Variants in LIMCH1 observed in about 807,000 individuals in gnomAD.
The protein encoded by LIMCH1 is LIM and calponin homology domains-containing protein 1.
LIMCH1 carries 113 observed loss-of-function variants against 176.5 expected under a neutral mutation model. The ratio of observed to expected loss-of-function variants is 0.64; its 90% confidence interval spans 0.55 to 0.75. The LOEUF is 0.75. LIMCH1 is among the 30% of genes least tolerant of loss of function. The pLI is 0.00. For missense variants in LIMCH1, 1,674 were observed against 1,814.9 expected, an observed-to-expected ratio of 0.92 and a Z score of 1.41; for synonymous variants, 619 against 645.9, an observed-to-expected ratio of 0.96 and a Z score of 0.63.
intron 1 of LIMCH1, among the ~76,000 whole-genome samples, chr4:41,387,775 C>A (rs746015892): frequency 2.0e-5 from 3 of 152,218 alleles, no homozygotes; most frequent in Non-Finnish European, 4.4e-5. Flanking sequence ...GCAACTATTT[C>A]ACAAATTTTG....
At chr4:41,669,134 GT>G (rs779200574) in intron 21 of LIMCH1, among the ~76,000 whole-genome samples, 2 of 152,164 alleles carry the variant, frequency 1.3e-5, no homozygotes, top group African/African-American at 2.4e-5. Flanking sequence ...AAATTTTCAT[GT>G]GTCTAGTTCT....
chr4:41,593,301 A>G (rs28733470), intron 1 of LIMCH1, among the ~76,000 whole-genome samples: 3,124 of 152,330 alleles, frequency 0.021, 96 homozygotes, highest in African/African-American at 0.071. Flanking sequence ...AAATTCATGT[A>G]TTAATATTTG....
intron 1 of LIMCH1, among the ~76,000 whole-genome samples, chr4:41,469,861 T>C (rs947957215): frequency 1.3e-5 from 2 of 151,992 alleles, no homozygotes; most frequent in African/African-American, 4.8e-5. Context: ...TTTGTGTTTT[T>C]AGTAGAGACA....
At position 41,681,427 on chromosome 4, in the gene LIMCH1, C is replaced by G. The variant is rs188941615; in HGVS notation, c.3717+368C>G. 2.7e-3 allele frequency among the ~76,000 whole-genome samples: 407 copies of G among 152,286 alleles called. 3 individuals are homozygous for G. Among genetic ancestry groups the G allele is most frequent in the African/African-American group, 9.3e-3 (385 of 41,552 alleles). ...ATTCATTCAATATATATTTATTCCC[C>G]TCTGCCATACTATACATTCTTTTCC... On this transcript the variant is annotated intron_variant, in intron 25 of 31. Transcript: ENST00000503057.
chr4:41,674,972 T>C (rs2095167874), intron 22 of LIMCH1, among the ~76,000 whole-genome samples: 1 of 152,124 alleles, frequency 6.6e-6, no homozygotes, highest in Non-Finnish European at 1.5e-5. Flanking sequence ...GCCTGTAATA[T>C]GCTAATGTGC....
intron 1 of LIMCH1, among the ~76,000 whole-genome samples, chr4:41,427,634 G>T (rs1416749512): frequency 6.6e-6 from 1 of 152,166 alleles, no homozygotes; most frequent in East Asian, 1.9e-4. Flanking sequence ...AATGTTGATT[G>T]TTTGTTTTTC....
At chr4:41,578,094 C>T (rs1176275860) in intron 1 of LIMCH1, among the ~76,000 whole-genome samples, 1 of 152,148 alleles carries the variant, frequency 6.6e-6, no homozygotes, top group Non-Finnish European at 1.5e-5. Flanking sequence ...ACAATGCTTA[C>T]TGAATTATTT....
chr4:41,612,893 C>A, intron 4 of LIMCH1: 1 of 1,403,898 alleles, frequency 7.1e-7, no homozygotes, highest in Non-Finnish European at 9.3e-7. Flanking sequence ...AGAAAGACAG[C>A]TCCCTTTCAG....
At chr4:41,663,852 T>TAAAAAAAAA (rs34659309) in intron 20 of LIMCH1, among the ~76,000 whole-genome samples, 20 of 82,754 alleles carry the variant, frequency 2.4e-4, no homozygotes, top group African/African-American at 6.9e-4. Context: ...TCTTCATCTC[T>TAAAAAAAAA]AAAAAAAAAA....
At chr4:41,660,421 A>G (rs1430984506) in intron 18 of LIMCH1, among the ~76,000 whole-genome samples, 1 of 152,224 alleles carries the variant, frequency 6.6e-6, no homozygotes, top group African/African-American at 2.4e-5. Flanking sequence ...TGATGTACCA[A>G]GTGGATTGGA....
At chr4:41,613,129 G>A in intron 4 of LIMCH1, 1 of 1,522,098 alleles carries the variant, frequency 6.6e-7, no homozygotes, top group Non-Finnish European at 8.9e-7. Context: ...TTTTTGTTTT[G>A]AACTATCATT....
At chr4:41,689,837 T>G in intron 30 of LIMCH1, 1 of 448,798 alleles carries the variant, frequency 2.2e-6, no homozygotes, top group East Asian at 3.5e-5. Flanking sequence ...GCAGAAAGGT[T>G]TGTGCAATTT....
At chr4:41,626,648 G>A in intron 7 of LIMCH1, 60 bp from the exon 8 acceptor site, 1 of 1,360,724 alleles carries the variant, frequency 7.3e-7, no homozygotes, top group Admixed American at 2.1e-5. Context: ...GTCTAGAGAT[G>A]GAGATTTAAT....
chr4:41,575,725 A>G (rs1335433291), intron 1 of LIMCH1, among the ~76,000 whole-genome samples: 2 of 152,176 alleles, frequency 1.3e-5, no homozygotes, highest in African/African-American at 4.8e-5. Flanking sequence ...CCTGGAGCTT[A>G]AATACATGAA....
At chr4:41,586,813 G>A (rs760136840) in intron 1 of LIMCH1, among the ~76,000 whole-genome samples, 1 of 152,158 alleles carries the variant, frequency 6.6e-6, no homozygotes, top group Non-Finnish European at 1.5e-5. Context: ...AAGTCCTTGA[G>A]AGGCGATACA....
At chr4:41,454,932 A>G (rs7439934) in intron 1 of LIMCH1, among the ~76,000 whole-genome samples, 33,617 of 147,748 alleles carry the variant, frequency 0.23, 4,529 homozygotes, top group African/African-American at 0.37. Flanking sequence ...CTGTGCTTGT[A>G]TGCGTACATG....
intron 1 of LIMCH1, among the ~76,000 whole-genome samples, chr4:41,438,869 A>T (rs907545335): frequency 6.6e-6 from 1 of 152,174 alleles, no homozygotes; most frequent in African/African-American, 2.4e-5. Flanking sequence ...CATGGCTTGG[A>T]TGTGGTGGCG....
intron 22 of LIMCH1, among the ~76,000 whole-genome samples, chr4:41,675,236 G>A (rs2095175977): frequency 1.3e-5 from 2 of 152,132 alleles, no homozygotes; most frequent in African/African-American, 4.8e-5. Flanking sequence ...ACTTCCCTGG[G>A]CCAGCCCACC....
chr4:41,467,170 C>T (rs879457724), intron 1 of LIMCH1, among the ~76,000 whole-genome samples: 59,361 of 137,108 alleles, frequency 0.43, 13,600 homozygotes, highest in African/African-American at 0.65. Context: ...CACACACACA[C>T]ACACACACAC....
Sources: allele counts gnomAD v4.1 joint callset (sites outside exome capture counted in the v4.1 genomes callset), GRCh38; gene constraint gnomAD v4.1.1; transcripts MANE v1.5; gene names NCBI Gene and HGNC (gene_info 2026-07-23, HGNC 2026-07-21).